Variants in CLYBL observed in about 807,000 individuals in gnomAD.
The protein encoded by CLYBL is citramalyl-CoA lyase, mitochondrial.
In CLYBL, 31 loss-of-function variants were observed where a neutral mutation model predicts 38.9. That is an observed-to-expected ratio of 0.80 (90% CI 0.60 to 1.08). The LOEUF (loss-of-function observed/expected upper bound fraction) is 1.08, where lower values mean the gene tolerates loss of function less well. Ranked by LOEUF, CLYBL falls within the 50% of genes least tolerant of loss-of-function variation. The pLI, the probability that CLYBL is intolerant of heterozygous loss-of-function variation, is 0.00. For synonymous variants in CLYBL, 171 were observed against 158.6 expected (o/e 1.08, Z -0.59); for missense variants, 434 against 411.6 (o/e 1.05, Z -0.47).
intron 1 of CLYBL, among the ~76,000 whole-genome samples, chr13:99,695,942 A>G (rs1306121085): frequency 6.6e-6 from 1 of 152,200 alleles, no homozygotes; most frequent in African/African-American, 2.4e-5. Context: ...TTCAGTTTAC[A>G]GTACTCAGTA....
intron 2 of CLYBL, among the ~76,000 whole-genome samples, chr13:99,806,133 A>G (rs1348576190): frequency 6.6e-6 from 1 of 152,174 alleles, no homozygotes; most frequent in Admixed American, 6.5e-5. Flanking sequence ...TTTAGAATGC[A>G]TTTCTAGGAC....
intron 1 of CLYBL, among the ~76,000 whole-genome samples, chr13:99,749,302 C>T (rs928158271): frequency 3.3e-5 from 5 of 152,192 alleles, no homozygotes; most frequent in African/African-American, 9.7e-5. Flanking sequence ...GACAGTATAA[C>T]GCAAACTTTA....
intron 1 of CLYBL, among the ~76,000 whole-genome samples, 166 bp from the exon 2 acceptor site, chr13:99,772,658 C>T (rs1441027319): frequency 6.6e-6 from 1 of 152,170 alleles, no homozygotes; most frequent in Admixed American, 6.5e-5. Flanking sequence ...GATCACACCA[C>T]TGCACTTCAA....
intron 1 of CLYBL, among the ~76,000 whole-genome samples, chr13:99,664,897 A>C (rs1240436012): frequency 6.6e-6 from 1 of 152,176 alleles, no homozygotes; most frequent in African/African-American, 2.4e-5. Flanking sequence ...TCATGTTTAT[A>C]AAATACCATA....
intron 2 of CLYBL, among the ~76,000 whole-genome samples, chr13:99,838,931 G>A (rs564884637): frequency 5.3e-4 from 80 of 152,326 alleles, no homozygotes; most frequent in African/African-American, 1.8e-3. Flanking sequence ...GAACCACGGC[G>A]CCTGGCCTAC....
intron 2 of CLYBL, among the ~76,000 whole-genome samples, chr13:99,836,967 C>T (rs2050952225): frequency 1.3e-5 from 2 of 151,914 alleles, no homozygotes; most frequent in Admixed American, 1.3e-4. Context: ...TGCAGCACAC[C>T]AACATGGCAC....
chr13:99,694,832 GATA>G (rs1483171882), intron 1 of CLYBL, among the ~76,000 whole-genome samples: 3 of 152,312 alleles, frequency 2.0e-5, no homozygotes, highest in South Asian at 2.1e-4. Context: ...AGACCTAAAT[GATA>G]ATAACAGTTA....
intron 2 of CLYBL, among the ~76,000 whole-genome samples, chr13:99,824,554 A>G (rs1207448377): frequency 6.6e-6 from 1 of 152,212 alleles, no homozygotes; most frequent in Non-Finnish European, 1.5e-5. Context: ...CTAATTAATT[A>G]GTATCAGCCC....
At chr13:99,647,136 G>C (rs2047188605) in intron 1 of CLYBL, among the ~76,000 whole-genome samples, 2 of 152,220 alleles carry the variant, frequency 1.3e-5, no homozygotes, top group Non-Finnish European at 2.9e-5. Context: ...TGGGTGGCCA[G>C]TGTTTGAAAG....
chr13:99,765,013 A>G (rs1158964618), intron 1 of CLYBL, among the ~76,000 whole-genome samples: 1 of 151,050 alleles, frequency 6.6e-6, no homozygotes, highest in African/African-American at 2.4e-5. Context: ...TAATTTACCA[A>G]TGGGTTTTAT....
chr13:99,900,714 G>A (rs61972386), downstream of CLYBL, among the ~76,000 whole-genome samples: 79,262 of 151,896 alleles, frequency 0.52, 22,103 homozygotes, highest in Non-Finnish European at 0.63. Flanking sequence ...CCTCAGATTC[G>A]TGCTTCCACA....
At chr13:99,877,423 C>T (rs923531672) in intron 7 of CLYBL, among the ~76,000 whole-genome samples, 5 of 152,004 alleles carry the variant, frequency 3.3e-5, no homozygotes, top group Non-Finnish European at 5.9e-5. Flanking sequence ...TCCTCTTTTT[C>T]TTTACATCTT....
At position 99,611,217 on chromosome 13, in the gene CLYBL, A is replaced by G. The variant is rs536441994; in HGVS notation, c.62+4460A>G. Among the ~76,000 whole-genome samples the G allele has an allele frequency of 1.8e-4, 28 of 152,336 alleles. No individual in the cohort carries two copies. In the South Asian group the frequency reaches 5.8e-3, roughly 32 times the overall value. ...GAATAAATGATCCCTATATTGCTGC[A>G]AGTCTTTAATTTCTAGAATTCTGAA... On this transcript the variant is annotated intron_variant, in intron 1 of 8. Coordinates refer to ENST00000339105, the MANE Select transcript of CLYBL (RefSeq NM_206808.5).
chr13:99,898,528 G>A (rs1233561287), downstream of CLYBL, among the ~76,000 whole-genome samples: 1 of 152,106 alleles, frequency 6.6e-6, no homozygotes, highest in African/African-American at 2.4e-5. Flanking sequence ...CCTGGAATTC[G>A]TGCGGTGGCT....
At chr13:99,905,093 T>A (rs1184433650) in intron 8 of CLYBL, among the ~76,000 whole-genome samples, 1 of 151,874 alleles carries the variant, frequency 6.6e-6, no homozygotes, top group African/African-American at 2.4e-5. Context: ...CACTGGAGGG[T>A]CTGGTCCTAG....
intron 1 of CLYBL, among the ~76,000 whole-genome samples, chr13:99,723,074 G>A (rs1198655044): frequency 6.6e-6 from 1 of 152,222 alleles, no homozygotes; most frequent in Admixed American, 6.5e-5. Flanking sequence ...CATTAATCAG[G>A]CATTCTGACA....
At chr13:99,682,957 C>G (rs928861398) in intron 1 of CLYBL, among the ~76,000 whole-genome samples, 1 of 151,970 alleles carries the variant, frequency 6.6e-6, no homozygotes, top group Admixed American at 6.6e-5. Flanking sequence ...AGGCTGGTCT[C>G]GAACTCCTGA....
At chr13:99,696,283 G>A (rs987997939) in intron 1 of CLYBL, among the ~76,000 whole-genome samples, 6 of 151,288 alleles carry the variant, frequency 4.0e-5, no homozygotes, top group Non-Finnish European at 7.4e-5. Flanking sequence ...AGGCTGGAGT[G>A]CAGTGGCATG....
chr13:99,639,658 C>T (rs530858179), intron 1 of CLYBL, among the ~76,000 whole-genome samples: 50 of 152,158 alleles, frequency 3.3e-4, no homozygotes, highest in Non-Finnish European at 6.9e-4. Context: ...TTTGGGAGAC[C>T]GAGGTAGGAG....
Sources: gnomAD v4.1 joint callset for allele counts (sites outside exome capture counted in the v4.1 genomes callset) on GRCh38, gnomAD v4.1.1 for gene constraint, MANE v1.5 for transcripts, NCBI Gene and HGNC (gene_info 2026-07-23, HGNC 2026-07-21) for gene names.